HAPSTR1: variants seen among roughly 807,000 people sequenced by gnomAD.
The protein encoded by HAPSTR1 is HUWE1-associated protein modifying stress responses 1.
chr16:9,092,255 G>T, the HAPSTR1 span: 1 of 1,568,238 alleles, frequency 6.4e-7, no homozygotes, highest in Admixed American at 1.9e-5. Context: ...CACCGCCGTG[G>T]CCCAGCTCTA....
At chr16:9,093,719 C>G in the HAPSTR1 span, among the ~76,000 whole-genome samples, 3 of 152,070 alleles carry the variant, frequency 2.0e-5, no homozygotes, top group African/African-American at 7.2e-5. Context: ...GAGTTAATCC[C>G]CCTCCCTTTG....
chr16:9,100,515 GGT>G, the HAPSTR1 span, among the ~76,000 whole-genome samples: 1 of 151,838 alleles, frequency 6.6e-6, no homozygotes, highest in Non-Finnish European at 1.5e-5. Context: ...TGGTTTGCCA[GGT>G]GTATGTTTAC....
chr16:9,116,125 T>G, the HAPSTR1 span, among the ~76,000 whole-genome samples: 1 of 152,182 alleles, frequency 6.6e-6, no homozygotes, highest in East Asian at 1.9e-4. Flanking sequence ...ATTTTAACAG[T>G]GACTCTTTTC....
the HAPSTR1 span, among the ~76,000 whole-genome samples, chr16:9,093,475 A>G: frequency 6.6e-6 from 1 of 152,220 alleles, no homozygotes; most frequent in Non-Finnish European, 1.5e-5. Flanking sequence ...GACGAACTTT[A>G]TGGAAAAGAT....
the HAPSTR1 span, among the ~76,000 whole-genome samples, chr16:9,115,213 T>G: frequency 6.6e-6 from 1 of 152,180 alleles, no homozygotes; most frequent in Non-Finnish European, 1.5e-5. Context: ...TGTAATAGAT[T>G]TGTGATAGGA....
chr16:9,093,243 G>C, the HAPSTR1 span, among the ~76,000 whole-genome samples: 1 of 152,224 alleles, frequency 6.6e-6, no homozygotes, highest in East Asian at 1.9e-4. Context: ...TCCTAGAAGG[G>C]GCTGTTGTTG....
chr16:9,113,558 G>A, the HAPSTR1 span, among the ~76,000 whole-genome samples: 2 of 152,180 alleles, frequency 1.3e-5, no homozygotes, highest in African/African-American at 2.4e-5. Flanking sequence ...GTTAACAAGG[G>A]CATTAGGGTG....
chr16:9,092,472 G>C, the HAPSTR1 span, among the ~76,000 whole-genome samples: 1 of 152,264 alleles, frequency 6.6e-6, no homozygotes, highest in Non-Finnish European at 1.5e-5. Flanking sequence ...GGACAGGCCA[G>C]AGCCGGCGTG....
chr16:9,118,502 TTCATTA>T, the HAPSTR1 span: 1 of 152,644 alleles, frequency 6.6e-6, no homozygotes, highest in Non-Finnish European at 1.5e-5. Flanking sequence ...AAGTTCTGTA[TTCATTA>T]TAGATGTAGC....
the HAPSTR1 span, among the ~76,000 whole-genome samples, chr16:9,098,461 G>A: frequency 6.6e-6 from 1 of 152,302 alleles, no homozygotes; most frequent in Admixed American, 6.5e-5. Flanking sequence ...TAGGGAATAC[G>A]ATTGGGAACA....
the HAPSTR1 span, chr16:9,116,550 C>A: frequency 1.5e-6 from 2 of 1,308,472 alleles, no homozygotes; most frequent in African/African-American, 1.5e-5. Context: ...ACTAGTAATC[C>A]CTTATAAAGG....
At chr16:9,102,991 G>A in the HAPSTR1 span, 4 of 1,613,664 alleles carry the variant, frequency 2.5e-6, no homozygotes, top group South Asian at 2.2e-5. Flanking sequence ...CAGAAAGCGT[G>A]GATACCCATC....
the HAPSTR1 span, chr16:9,092,418 C>T: frequency 4.2e-6 from 3 of 706,928 alleles, no homozygotes; most frequent in African/African-American, 3.8e-5. Flanking sequence ...CTGCCGCCCC[C>T]TCCCCGCAAG....
chr16:9,101,665 C>G, the HAPSTR1 span, among the ~76,000 whole-genome samples: 2 of 151,096 alleles, frequency 1.3e-5, no homozygotes, highest in Admixed American at 6.6e-5. Context: ...TTATAAAGTT[C>G]TGGTTGTTGT....
At chr16:9,119,164 C>T in the HAPSTR1 span, 1 of 152,482 alleles carries the variant, frequency 6.6e-6, no homozygotes, top group African/African-American at 2.4e-5. Flanking sequence ...TTCTCTGTCC[C>T]ATTGCTTTCT....
At chr16:9,116,541 C>G in the HAPSTR1 span, 1 of 1,229,658 alleles carries the variant, frequency 8.1e-7, no homozygotes, top group Non-Finnish European at 1.1e-6. Context: ...TAATTGCTTA[C>G]TAGTAATCCC....
chr16:9,098,002 T>G, the HAPSTR1 span, among the ~76,000 whole-genome samples: 9 of 152,166 alleles, frequency 5.9e-5, no homozygotes, highest in African/African-American at 2.2e-4. Flanking sequence ...GGACAAGGAT[T>G]GGATGCCAGG....
the HAPSTR1 span, among the ~76,000 whole-genome samples, chr16:9,115,632 T>C: frequency 2.0e-5 from 3 of 152,136 alleles, no homozygotes; most frequent in East Asian, 3.9e-4. Context: ...AGTAACTCTT[T>C]TGTTTTTGAG....
chr16:9,118,483 T>A, the HAPSTR1 span: 1 of 152,694 alleles, frequency 6.5e-6, no homozygotes. Context: ...AGAAATGTTG[T>A]GTGAATTGAA....
Sources: gnomAD v4.1 joint callset for allele counts (sites outside exome capture counted in the v4.1 genomes callset) on GRCh38, gnomAD v4.1.1 for gene constraint, MANE v1.5 for transcripts, NCBI Gene and HGNC (gene_info 2026-07-23, HGNC 2026-07-21) for gene names.